The following CFAP299 variants were observed in gnomAD, a reference collection of about 807,000 sequenced individuals.
The protein encoded by CFAP299 is cilia- and flagella-associated protein 299.
Under a neutral mutation model 27.0 loss-of-function variants are expected in CFAP299, and 21 were observed. That is an observed-to-expected ratio of 0.78 (90% CI 0.55 to 1.12). The LOEUF (loss-of-function observed/expected upper bound fraction) is 1.12. Among genes scored for constraint, CFAP299 ranks in the 50% most tolerant of loss-of-function variants. The pLI is 0.00. For synonymous variants in CFAP299, 104 were observed against 98.1 expected (o/e 1.06, Z -0.36); for missense variants, 310 against 276.6 (o/e 1.12, Z -0.86).
intron 3 of CFAP299, among the ~76,000 whole-genome samples, chr4:80,865,410 C>T (rs1185078214): frequency 1.3e-5 from 2 of 152,148 alleles, no homozygotes; most frequent in African/African-American, 2.4e-5. Flanking sequence ...CCCTCAAGTT[C>T]TTGACAACTA....
chr4:80,674,291 G>A (rs1719236662), intron 3 of CFAP299, among the ~76,000 whole-genome samples: 1 of 152,132 alleles, frequency 6.6e-6, no homozygotes, highest in Non-Finnish European at 1.5e-5. Flanking sequence ...AGCATGGTTT[G>A]GCTGGATATG....
chr4:80,631,873 C>A lies in CFAP299; in HGVS notation c.333+48690C>A, dbSNP rs913212973. On this transcript the variant is annotated intron_variant, in intron 3 of 5. Coordinates refer to ENST00000358105, the MANE Select transcript of CFAP299 (RefSeq NM_152770.3). ...TGAATATTTGTGCCCCACCCCCCCC[C>A]AACCAAATTCATATGTTAACATTCT... Among the ~76,000 whole-genome samples the A allele has an allele frequency of 2.8e-4, 34 of 122,436 alleles. 6 individuals carry two copies. The highest frequency in any genetic ancestry group is 2.5e-4 in the Admixed American group (3 of 11,980). The allele number at this position is 122,436 out of a possible 152,430, so 80.3% of individuals were successfully genotyped here.
intron 3 of CFAP299, among the ~76,000 whole-genome samples, chr4:80,752,161 C>G (rs1201593240): frequency 6.6e-6 from 1 of 152,036 alleles, no homozygotes; most frequent in African/African-American, 2.4e-5. Flanking sequence ...TGGCTCTGTG[C>G]CACTCCCCGG....
intron 2 of CFAP299, among the ~76,000 whole-genome samples, chr4:80,395,140 C>A (rs924114988): frequency 4.0e-5 from 6 of 151,858 alleles, no homozygotes; most frequent in Non-Finnish European, 8.8e-5. Flanking sequence ...TATTTTATCT[C>A]ATTGGTTATT....
intron 2 of CFAP299, chr4:80,387,103 C>T (rs1277555456): frequency 2.1e-6 from 3 of 1,444,118 alleles, no homozygotes; most frequent in Admixed American, 1.7e-5. Flanking sequence ...TGCTCCAGGG[C>T]CTCTGGGGTG....
chr4:80,408,464 C>T (rs1216691873), intron 2 of CFAP299, among the ~76,000 whole-genome samples: 1 of 151,982 alleles, frequency 6.6e-6, no homozygotes, highest in East Asian at 1.9e-4. Context: ...GTCTTTTGCC[C>T]TTTTTAAAAA....
chr4:80,404,105 A>G (rs988839844), intron 2 of CFAP299, among the ~76,000 whole-genome samples: 7 of 152,210 alleles, frequency 4.6e-5, no homozygotes, highest in Non-Finnish European at 8.8e-5. Flanking sequence ...ACACCTACAT[A>G]TATCTTTTAA....
intron 2 of CFAP299, among the ~76,000 whole-genome samples, chr4:80,429,085 A>G (rs1727676204): frequency 1.3e-5 from 2 of 152,192 alleles, no homozygotes. Flanking sequence ...TGTTTTCTTG[A>G]TGAGCTTTCT....
intron 2 of CFAP299, among the ~76,000 whole-genome samples, chr4:80,411,824 G>A (rs997240081): frequency 4.6e-5 from 7 of 152,038 alleles, no homozygotes; most frequent in Non-Finnish European, 8.8e-5. Context: ...TCATAATAAA[G>A]AGGATGAGAG....
At chr4:80,425,847 A>G (rs1295828026) in intron 2 of CFAP299, among the ~76,000 whole-genome samples, 1 of 152,180 alleles carries the variant, frequency 6.6e-6, no homozygotes, top group Admixed American at 6.5e-5. Flanking sequence ...TACACTGGGG[A>G]ATGATTATAG....
chr4:80,747,301 G>A (rs999598804), intron 3 of CFAP299, among the ~76,000 whole-genome samples: 1 of 152,014 alleles, frequency 6.6e-6, no homozygotes, highest in African/African-American at 2.4e-5. Context: ...TGGCAGCACA[G>A]TAGGTTTGTT....
chr4:80,390,772 T>C (rs1374081998), intron 2 of CFAP299, among the ~76,000 whole-genome samples: 1 of 145,520 alleles, frequency 6.9e-6, no homozygotes, highest in Non-Finnish European at 1.5e-5. Flanking sequence ...TATATATGTA[T>C]ATATACATAT....
chr4:80,417,699 G>C (rs1727082855), intron 2 of CFAP299, among the ~76,000 whole-genome samples: 2 of 152,138 alleles, frequency 1.3e-5, no homozygotes, highest in African/African-American at 2.4e-5. Flanking sequence ...ATGATGCATT[G>C]TGATTTGGGT....
intron 1 of CFAP299, among the ~76,000 whole-genome samples, chr4:80,347,682 A>G (rs540937792): frequency 5.3e-5 from 8 of 152,356 alleles, no homozygotes; most frequent in Middle Eastern, 3.4e-3. Flanking sequence ...GGAAGAATTA[A>G]TGTTGTAAAA....
intron 3 of CFAP299, among the ~76,000 whole-genome samples, chr4:80,684,098 C>A (rs1290735237): frequency 6.6e-6 from 1 of 152,284 alleles, no homozygotes; most frequent in East Asian, 1.9e-4. Context: ...TTGCCTATTA[C>A]AGTTGTCCAT....
chr4:80,559,426 A>G (rs900960223), intron 2 of CFAP299, among the ~76,000 whole-genome samples: 2 of 152,162 alleles, frequency 1.3e-5, no homozygotes, highest in Non-Finnish European at 2.9e-5. Flanking sequence ...AAGATGGGGG[A>G]ATATAAGGCT....
intron 4 of CFAP299, among the ~76,000 whole-genome samples, chr4:80,938,475 T>G (rs1252222039): frequency 6.6e-6 from 1 of 152,226 alleles, no homozygotes; most frequent in Non-Finnish European, 1.5e-5. Flanking sequence ...GGCCATCCCT[T>G]TGTTACCCAT....
intron 1 of CFAP299, among the ~76,000 whole-genome samples, chr4:80,343,930 G>T (rs1035767829): frequency 2.7e-5 from 4 of 150,434 alleles, no homozygotes; most frequent in African/African-American, 9.8e-5. Context: ...TAGAAATCAA[G>T]AAGCTATTTG....
intron 3 of CFAP299, among the ~76,000 whole-genome samples, chr4:80,657,271 C>T (rs1740604168): frequency 6.6e-6 from 1 of 152,002 alleles, no homozygotes; most frequent in African/African-American, 2.4e-5. Flanking sequence ...GTTGCAATTG[C>T]TTTTGGTGTT....
Sources: allele counts gnomAD v4.1 joint callset (sites outside exome capture counted in the v4.1 genomes callset), GRCh38; gene constraint gnomAD v4.1.1; transcripts MANE v1.5; gene names NCBI Gene and HGNC (gene_info 2026-07-23, HGNC 2026-07-21).